TBKBP1: variants seen among roughly 807,000 people sequenced by gnomAD.
The protein encoded by TBKBP1 is TANK-binding kinase 1-binding protein 1.
A neutral mutation model predicts 69.9 loss-of-function variants in TBKBP1; 47 were observed. The observed-to-expected ratio is 0.67, with a 90% CI of 0.53 to 0.86. TBKBP1 has a LOEUF of 0.86. Among genes scored for constraint, TBKBP1 ranks in the 40% least tolerant of loss-of-function variants. TBKBP1 has a pLI of 0.00. For missense variants in TBKBP1, 831 were observed against 858.6 expected, an observed-to-expected ratio of 0.97 and a Z score of 0.40; for synonymous variants, 418 against 390.3, an observed-to-expected ratio of 1.07 and a Z score of -0.84.
In TBKBP1 at chr17:47,697,116, C is replaced by T; in HGVS notation, c.376C>T (p.Gln126Ter). The change falls in exon 4 of 10, where the codon CAG (glutamine) becomes TAG (stop). Residue 126 changes from glutamine (Q) to a stop codon, truncating the protein, a stop_gained. Transcript: ENST00000578982. LOFTEE classifies it high-confidence loss of function. ...ELQKNKEQEE[Q>*]LGEMIQAYEK... ...ACAGAAGAACAAGGAGCAGGAAGAA[C>T]AGCTTGGAGAGATGATCCAGGCCTA... The T allele has an allele frequency of 3.1e-6, 5 of 1,612,548 alleles. No individual in the cohort carries two copies. The highest frequency in any genetic ancestry group is 4.2e-6 in the Non-Finnish European group (5 of 1,179,306).
Position 47,698,575 on chromosome 17 carries a change from C to G in TBKBP1, c.454-20C>G. Reference sequence around the variant, plus strand: ...AAGTCCTGGGCCTGTGCAGACCCTCCCCTCTGTCTCTCTCTCCAGAGGGCC... The same window carrying G: ...AAGTCCTGGGCCTGTGCAGACCCTCGCCTCTGTCTCTCTCTCCAGAGGGCC... On this transcript the variant is annotated intron_variant, in intron 4 of 9. Coordinates refer to ENST00000578982, the MANE Select transcript of TBKBP1 (RefSeq NM_001394755.1). 6.4e-6 allele frequency: 10 copies of G among 1,566,546 alleles called. No individual in the cohort carries two copies. The highest frequency in any genetic ancestry group is 8.7e-6 in the Non-Finnish European group (10 of 1,155,708).
Position 47,696,077 on chromosome 17 carries a change from A to G in TBKBP1, c.-34-2A>G. 1 of 1,550,434 alleles carries G rather than the reference A, an allele frequency of 6.4e-7. No homozygotes were observed. The highest frequency in any genetic ancestry group is 8.8e-7 in the Non-Finnish European group (1 of 1,142,666). On this transcript the variant is annotated splice_acceptor_variant, in intron 1 of 9. Coordinates refer to ENST00000578982, the MANE Select transcript of TBKBP1 (RefSeq NM_001394755.1). LOFTEE classifies it low-confidence loss of function (5UTR_SPLICE). ...TGTCCACGGTTGCTCCTGCTCTCCT[A>G]GGAGGCCCCGTGTGGGCCGCGGCCC... is the stretch of plus-strand genomic sequence containing the variant.
intron 9 of TBKBP1, 89 bp from the exon 10 acceptor site, chr17:47,710,409 T>G: frequency 6.5e-7 from 1 of 1,533,530 alleles, no homozygotes; most frequent in South Asian, 1.2e-5. Context: ...CAGCCCTCCC[T>G]GCCCTGGGTC....
chr17:47,699,565 C>T, intron 6 of TBKBP1, 70 bp downstream of exon 6: 1 of 1,613,490 alleles, frequency 6.2e-7, no homozygotes, highest in Non-Finnish European at 8.5e-7. Flanking sequence ...TGCAGACTGG[C>T]CCAGGGAACT....
At chr17:47,709,595 C>G in intron 9 of TBKBP1, 143 bp downstream of exon 9, 3 of 1,255,456 alleles carry the variant, frequency 2.4e-6, no homozygotes, top group Non-Finnish European at 3.1e-6. Context: ...GGGCCACAGT[C>G]TAGGTCCTTT....
chr17:47,694,659 T>C (rs1005120004), intron 1 of TBKBP1: 4 of 151,704 alleles, frequency 2.6e-5, no homozygotes, highest in Non-Finnish European at 5.9e-5. Context: ...AAGGAGGCAT[T>C]TGTGGTGCGG....
Position 47,708,922 on chromosome 17 carries a change from C to G in TBKBP1, c.1189C>G (p.Gln397Glu). ...ACCCTCCTGCCCGTCGCCCGTCCCG[C>G]AGCGCCGCTCGCCGGTGCCGCCGTC... ...ASPSCPSPVP[Q>E]RRSPVPPSCQ... Residue 397 changes from glutamine to glutamate, a missense_variant, in exon 9 of 10, where the codon CAG (glutamine) becomes GAG (glutamate). By Grantham distance (29) the Gln-to-Glu change is conservative. Transcript: ENST00000578982. This position sits in a 1 kb window ranked among gnomAD's most constrained non-coding sequence, Gnocchi z 4.4. The G allele has an allele frequency of 2.3e-6, 3 of 1,315,364 alleles. No homozygotes were observed. The highest frequency in any genetic ancestry group is 2.9e-6 in the Non-Finnish European group (3 of 1,028,036). The allele number at this position is 1,315,364 out of a possible 1,614,324, so 81.5% of individuals were successfully genotyped here. A position where few individuals can be genotyped will look rare whatever the true frequency, so the allele number is the denominator to read the frequency against.
intron 9 of TBKBP1, 28 bp from the exon 10 acceptor site, chr17:47,710,470 C>A (rs1251473117): frequency 6.3e-7 from 1 of 1,595,212 alleles, no homozygotes; most frequent in Non-Finnish European, 8.6e-7. Flanking sequence ...GGCTGGGGAC[C>A]ATAAGTGACT....
chr17:47,708,944 C>T lies in TBKBP1; in HGVS notation c.1211C>T (p.Pro404Leu). 4.8e-6 allele frequency: 6 copies of T among 1,243,860 alleles called. No individual in the cohort carries two copies. Among genetic ancestry groups the T allele is most frequent in the South Asian group, 1.8e-5 (1 of 55,620 alleles). 77.1% of individuals were successfully genotyped at this position (1,243,860 alleles called of 1,614,324 possible). Residue 404 changes from proline to leucine, a missense_variant, in exon 9 of 10, where the codon CCG becomes CTG. Pro to Leu is a moderately conservative substitution (Grantham distance 98). Transcript: ENST00000578982. The surrounding 1 kb of genome is among the most constrained non-coding windows in gnomAD (Gnocchi z 4.4). ...PVPQRRSPVP[P>L]SCQSPSPQRR... ...CCGCAGCGCCGCTCGCCGGTGCCGC[C>T]GTCGTGCCAGTCCCCCAGCCCGCAG...
rs769341764 is a variant in TBKBP1 at position 47,699,407 on chromosome 17, G to T, written c.722G>T (p.Arg241Leu). 6.4e-7 allele frequency: 1 copy of T among 1,564,304 alleles called. No homozygotes were observed. The highest frequency in any genetic ancestry group is 2.3e-5 in the East Asian group (1 of 44,098). The change falls in exon 6 of 10, where the codon CGG (arginine) becomes CTG (leucine). Residue 241 changes from arginine to leucine, a missense_variant. Physicochemically the swap from Arg to Leu is moderately radical, Grantham distance 102. Coordinates refer to ENST00000578982, the MANE Select transcript of TBKBP1 (RefSeq NM_001394755.1). Reference protein sequence around the residue: ...EALEAAQGEARGAQLREEQLQ... With the variant: ...EALEAAQGEALGAQLREEQLQ... ...TTGGAGGCCGCGCAGGGAGAGGCCCGGGGGGCTCAGCTCCGGGAGGAGCAG... is the reference window on the plus strand; with the variant it reads ...TTGGAGGCCGCGCAGGGAGAGGCCCTGGGGGCTCAGCTCCGGGAGGAGCAG...
chr17:47,700,285 G>A lies in TBKBP1; in HGVS notation c.872+588G>A, dbSNP rs1318086486. ...ATTATAGGAGTGAGCCACTGCGCCCGGACCTTTTTTTTTTTTTTTTTTTTT... is the reference window on the plus strand; with the variant it reads ...ATTATAGGAGTGAGCCACTGCGCCCAGACCTTTTTTTTTTTTTTTTTTTTT... On this transcript the variant is annotated intron_variant, in intron 7 of 9. Coordinates refer to ENST00000578982, the MANE Select transcript of TBKBP1 (RefSeq NM_001394755.1). Among the ~76,000 whole-genome samples, 65 of 58,686 alleles carry A rather than the reference G, an allele frequency of 1.1e-3. 1 individual carries two copies. The highest frequency in any genetic ancestry group is 4.7e-3 in the African/African-American group (62 of 13,184). 38.5% of individuals were successfully genotyped at this position (58,686 alleles called of 152,430 possible).
chr17:47,706,943 C>T (rs1014089884), intron 7 of TBKBP1, among the ~76,000 whole-genome samples: 1 of 152,040 alleles, frequency 6.6e-6, no homozygotes, highest in African/African-American at 2.4e-5. Context: ...TCACACTCTC[C>T]CATCCACATG....
At chr17:47,698,899 C>T (rs1191803139) in intron 5 of TBKBP1, 124 bp downstream of exon 5, 14 of 959,760 alleles carry the variant, frequency 1.5e-5, no homozygotes, top group Middle Eastern at 2.2e-4. Flanking sequence ...ATCATCCCAT[C>T]CTCCCTTACC....
chr17:47,699,747 C>T (rs2031415531), intron 7 of TBKBP1, 50 bp downstream of exon 7: 1 of 1,604,816 alleles, frequency 6.2e-7, no homozygotes, highest in East Asian at 2.2e-5. Context: ...GGGAGACCTC[C>T]CCTCCCAGCC....
At position 47,708,700 on chromosome 17, in the gene TBKBP1, C is replaced by T. The variant is rs956058131; in HGVS notation, c.992-25C>T. The T allele has an allele frequency of 4.0e-6, 6 of 1,481,486 alleles. No individual in the cohort carries two copies. Among genetic ancestry groups the T allele is most frequent in the Non-Finnish European group, 5.4e-6 (6 of 1,121,444 alleles). 91.8% of individuals were successfully genotyped at this position (1,481,486 alleles called of 1,614,324 possible). A position where few individuals can be genotyped will look rare whatever the true frequency, so the allele number is the denominator to read the frequency against. ...TCTTCTCTCTGCACCTTTGTCCCCCCACCCCGTCCCGGTTTCTCTTCCAGG... is the reference window on the plus strand; with the variant it reads ...TCTTCTCTCTGCACCTTTGTCCCCCTACCCCGTCCCGGTTTCTCTTCCAGG... On this transcript the variant is annotated intron_variant, in intron 8 of 9. Coordinates refer to ENST00000578982, the MANE Select transcript of TBKBP1 (RefSeq NM_001394755.1). This position sits in a 1 kb window ranked among gnomAD's most constrained non-coding sequence, Gnocchi z 4.4.
intron 7 of TBKBP1, among the ~76,000 whole-genome samples, chr17:47,703,294 ACT>A (rs1309349529): frequency 1.3e-5 from 2 of 151,924 alleles, no homozygotes; most frequent in Admixed American, 1.3e-4. Context: ...GAGGATGGAA[ACT>A]CTGCACGGAG....
At chr17:47,694,892 G>GC (rs1279050071) in intron 1 of TBKBP1, among the ~76,000 whole-genome samples, 3 of 151,018 alleles carry the variant, frequency 2.0e-5, no homozygotes, top group South Asian at 2.1e-4. Context: ...TGGCGGAGGG[G>GC]GGGGGGTGGA....
intron 7 of TBKBP1, among the ~76,000 whole-genome samples, chr17:47,702,292 G>A (rs1013090983): frequency 1.3e-5 from 2 of 151,998 alleles, no homozygotes; most frequent in Admixed American, 1.3e-4. Context: ...AGTGAGTGTC[G>A]AGGCTGGATG....
At chr17:47,707,596 G>T (rs2031741681) in intron 7 of TBKBP1, among the ~76,000 whole-genome samples, 1 of 152,222 alleles carries the variant, frequency 6.6e-6, no homozygotes, top group South Asian at 2.1e-4. Context: ...CCTTTGAGAA[G>T]TGCCTGGTGT....
Sources: allele counts gnomAD v4.1 joint callset (sites outside exome capture counted in the v4.1 genomes callset), GRCh38; gene constraint gnomAD v4.1.1; non-coding constraint Gnocchi (gnomAD v3.1); transcripts MANE v1.5; gene names NCBI Gene and HGNC (gene_info 2026-07-23, HGNC 2026-07-21).